The following HNRNPM variants were observed in gnomAD, a reference collection of about 807,000 sequenced individuals.
The protein encoded by HNRNPM is heterogeneous nuclear ribonucleoprotein M.
A neutral mutation model predicts 73.1 loss-of-function variants in HNRNPM; 11 were observed. The ratio of observed to expected loss-of-function variants is 0.15; its 90% CI spans 0.09 to 0.25. The LOEUF is 0.25. Among genes scored for constraint, HNRNPM ranks in the 10% least tolerant of loss-of-function variants. The pLI is 1.00. For missense variants in HNRNPM, 789 were observed against 1,067.9 expected (o/e 0.74, Z 3.64); for synonymous variants, 407 against 355.2 (o/e 1.15, Z -1.64).
In HNRNPM at chr19:8,486,013, A is replaced by G. The variant is rs765579104; in HGVS notation, c.1585A>G (p.Met529Val). Residue 529 changes from methionine to valine, a missense_variant, in exon 14 of 16, where the codon ATG (methionine) becomes GTG (valine). Physicochemically the swap from Met to Val is conservative, Grantham distance 21 (BLOSUM62 1). This residue lies in a region of HNRNPM where 604 missense variants were observed against 744.0 expected (regional missense o/e 0.81). Coordinates refer to ENST00000325495, the MANE Select transcript of HNRNPM (RefSeq NM_005968.5). ...TGCCATCGAGCGCATGGGCCTGAGC[A>G]TGGAGCGCATGGTGCCCGCAGGTAT... ...GPAIERMGLS[M>V]ERMVPAGMGA... 1.3e-5 allele frequency: 21 copies of G among 1,605,858 alleles called. No homozygotes were observed. The highest frequency in any genetic ancestry group is 1.8e-5 in the Non-Finnish European group (21 of 1,179,234).
At chr19:8,448,370 G>GA (rs529930231) in intron 1 of HNRNPM, among the ~76,000 whole-genome samples, 2 of 151,190 alleles carry the variant, frequency 1.3e-5, no homozygotes, top group Admixed American at 6.6e-5. Flanking sequence ...TATAGTCAGG[G>GA]AAAAAAAAGT....
Position 8,466,305 on chromosome 19 carries a change from A to C in HNRNPM, c.701A>C (p.Asp234Ala). 1 of 1,614,158 alleles carries C rather than the reference A, an allele frequency of 6.2e-7. No homozygotes were observed. The highest frequency in any genetic ancestry group is 2.2e-5 in the East Asian group (1 of 44,886). ...ATGGCTGGTGTGGTGGTCCGAGCAGACATTCTTGAAGATAAAGATGGAAAA... is the reference window on the plus strand; with the variant it reads ...ATGGCTGGTGTGGTGGTCCGAGCAGCCATTCTTGAAGATAAAGATGGAAAA... The part of the protein sequence containing the change: ...FSMAGVVVRA[D>A]ILEDKDGKSR... Residue 234 changes from aspartate to alanine, a missense_variant, in exon 7 of 16, where the codon GAC (aspartate) becomes GCC (alanine). This residue lies in a region of HNRNPM where 604 missense variants were observed against 744.0 expected (regional missense o/e 0.81). Transcript: ENST00000325495.
chr19:8,478,118 T>G (rs965184557), intron 12 of HNRNPM, among the ~76,000 whole-genome samples: 1 of 152,226 alleles, frequency 6.6e-6, no homozygotes, highest in African/African-American at 2.4e-5. Flanking sequence ...TTGGTTACTG[T>G]GGTAGCGAAT....
intron 12 of HNRNPM, among the ~76,000 whole-genome samples, chr19:8,476,102 G>T (rs1341365142): frequency 6.6e-6 from 1 of 151,996 alleles, no homozygotes; most frequent in African/African-American, 2.4e-5. Flanking sequence ...CAGAGCCTGG[G>T]GTACGCGGTG....
chr19:8,472,874 G>A (rs1009019210), intron 10 of HNRNPM, among the ~76,000 whole-genome samples: 1 of 152,112 alleles, frequency 6.6e-6, no homozygotes. Context: ...GAGTCACCAC[G>A]CCCACCCTTA....
chr19:8,481,465 G>A lies in HNRNPM; in HGVS notation c.1121-1693G>A, dbSNP rs1245840584. ...GCAGAACAGGCTCCAGTTGTGGTCT[G>A]TGGGGAGGCCTGTGAATGCCGATGG... On this transcript the variant is annotated intron_variant, in intron 12 of 15. Coordinates refer to ENST00000325495, the MANE Select transcript of HNRNPM (RefSeq NM_005968.5). The A allele has an allele frequency of 3.9e-5, 6 of 151,902 alleles. No individual in the cohort carries two copies. In the East Asian group the frequency reaches 1.2e-3, roughly 30 times the overall value. The allele number at this position is 151,902 out of a possible 1,614,324, so 9.4% of individuals were successfully genotyped here. A position where few individuals can be genotyped will look rare whatever the true frequency, so the allele number is the denominator to read the frequency against.
At chr19:8,451,285 T>A (rs1161136484) in intron 1 of HNRNPM, among the ~76,000 whole-genome samples, 3 of 151,902 alleles carry the variant, frequency 2.0e-5, no homozygotes, top group Non-Finnish European at 4.4e-5. Context: ...TCAGGTGATC[T>A]GCCCGCCTCG....
intron 3 of HNRNPM, among the ~76,000 whole-genome samples, chr19:8,463,254 A>G (rs1009711367): frequency 3.3e-5 from 5 of 152,184 alleles, no homozygotes; most frequent in Admixed American, 2.0e-4. Flanking sequence ...AAATGTCAGC[A>G]GCTCTAGTGC....
At chr19:8,483,329 G>C in intron 13 of HNRNPM, 118 bp downstream of exon 13, 3 of 752,674 alleles carry the variant, frequency 4.0e-6, no homozygotes, top group Non-Finnish European at 4.6e-6. Context: ...GGTGGGAGCA[G>C]CTCTGCCTTT....
Position 8,488,915 on chromosome 19 carries a change from C to G in HNRNPM, c.*61C>G. On this transcript the variant is annotated 3_prime_UTR_variant, in exon 16 of 16. Transcript: ENST00000325495. ...TGAATTTGTATTTTTTCTTGTTAAC[C>G]ATTTTAATTTGTTGGCTGGATGTAT... 1 of 1,441,566 alleles carries G rather than the reference C, an allele frequency of 6.9e-7. No individual in the cohort carries two copies. Among genetic ancestry groups the G allele is most frequent in the Non-Finnish European group, 9.4e-7 (1 of 1,059,606 alleles). The allele number at this position is 1,441,566 out of a possible 1,614,324, so 89.3% of individuals were successfully genotyped here.
chr19:8,462,450 C>A lies in HNRNPM; in HGVS notation c.284-79C>A. The A allele has an allele frequency of 8.2e-7, 1 of 1,226,220 alleles. No individual in the cohort carries two copies. The highest frequency in any genetic ancestry group is 1.2e-6 in the Non-Finnish European group (1 of 826,664). The allele number at this position is 1,226,220 out of a possible 1,614,324, so 76.0% of individuals were successfully genotyped here. Reference sequence around the variant, plus strand: ...AAGGCAGAGGCTCCATACAAGGTTGCTGATGATTGTTCTAAATTCCCATTG... The same window carrying A: ...AAGGCAGAGGCTCCATACAAGGTTGATGATGATTGTTCTAAATTCCCATTG... On this transcript the variant is annotated intron_variant, in intron 2 of 15. Transcript: ENST00000325495. The surrounding 1 kb of genome is among the most constrained non-coding windows in gnomAD (Gnocchi z 4.5).
chr19:8,454,151 A>G (rs1221082378), intron 1 of HNRNPM, among the ~76,000 whole-genome samples: 7 of 152,230 alleles, frequency 4.6e-5, no homozygotes, highest in Non-Finnish European at 8.8e-5. Context: ...GTGAAGTATG[A>G]TGTTTTGCAG....
At chr19:8,487,427 C>G in intron 15 of HNRNPM, 1 of 287,062 alleles carries the variant, frequency 3.5e-6, no homozygotes, top group Admixed American at 4.9e-5. Context: ...TCGCTTTCCC[C>G]TCAGCACAGC....
intron 5 of HNRNPM, 138 bp downstream of exon 5, chr19:8,463,824 G>A (rs554166808): frequency 4.0e-4 from 252 of 629,818 alleles, no homozygotes; most frequent in Non-Finnish European, 5.9e-4. Context: ...GAAGAGTGTC[G>A]GTCATAGCCT....
chr19:8,448,781 C>T (rs938981257), intron 1 of HNRNPM, among the ~76,000 whole-genome samples: 23 of 152,132 alleles, frequency 1.5e-4, no homozygotes, highest in Admixed American at 7.2e-4. Context: ...CCACACCTGG[C>T]CCCTTCCTGA....
intron 10 of HNRNPM, among the ~76,000 whole-genome samples, chr19:8,472,395 C>T (rs149416409): frequency 3.0e-4 from 46 of 152,222 alleles, no homozygotes; most frequent in African/African-American, 1.0e-3. Flanking sequence ...TCCCTAGACT[C>T]TCTTCCAGAG....
chr19:8,484,413 TC>T (rs1190600123), intron 13 of HNRNPM, among the ~76,000 whole-genome samples: 1 of 152,076 alleles, frequency 6.6e-6, no homozygotes, highest in Non-Finnish European at 1.5e-5. Context: ...CTGACCTTGT[TC>T]CGCCCGCCTT....
chr19:8,474,125 C>T (rs768684443), intron 11 of HNRNPM, 42 bp from the exon 12 acceptor site: 2 of 1,405,998 alleles, frequency 1.4e-6, no homozygotes, highest in Admixed American at 2.2e-5. Flanking sequence ...TTAGTCTAAG[C>T]AGTCTTGTTG....
intron 15 of HNRNPM, chr19:8,487,372 C>G (rs1466967096): frequency 2.7e-6 from 1 of 373,768 alleles, no homozygotes; most frequent in African/African-American, 2.1e-5. Context: ...CTGAGGTTAC[C>G]TGGCTTCTAG....
Sources: gnomAD v4.1 joint callset for allele counts (sites outside exome capture counted in the v4.1 genomes callset) on GRCh38, gnomAD v4.1.1 for gene constraint, gnomAD v4.1.1 regional missense constraint, Gnocchi (gnomAD v3.1) non-coding constraint, MANE v1.5 for transcripts, NCBI Gene and HGNC (gene_info 2026-07-23, HGNC 2026-07-21) for gene names.